INPP5B: variants seen among roughly 807,000 people sequenced by gnomAD.
INPP5B encodes the protein inositol polyphosphate-5-phosphatase B, also known as type II inositol 1,4,5-trisphosphate 5-phosphatase.
Under a neutral mutation model 118.5 loss-of-function variants are expected in INPP5B, and 90 were observed. That is an observed-to-expected ratio of 0.76 (90% CI 0.64 to 0.90). INPP5B has a LOEUF of 0.90. Ranked by LOEUF, INPP5B falls within the 40% of genes least tolerant of loss-of-function variation. INPP5B has a pLI of 0.00. For synonymous variants in INPP5B, 385 were observed against 418.9 expected, an observed-to-expected ratio of 0.92 and a Z score of 0.99; for missense variants, 984 against 1,125.6, an observed-to-expected ratio of 0.87 and a Z score of 1.80.
At chr1:37,896,247 G>A (rs868396060) in intron 7 of INPP5B, among the ~76,000 whole-genome samples, 262 of 144,770 alleles carry the variant, frequency 1.8e-3, no homozygotes, top group South Asian at 4.2e-3. Context: ...CAACCGCCCC[G>A]TCTGAGAAGT....
At position 37,931,950 on chromosome 1, in the gene INPP5B, G is replaced by C; in HGVS notation, c.495C>G (p.Ala165=). 3 of 1,614,028 alleles carry C rather than the reference G, an allele frequency of 1.9e-6. No homozygotes were observed. The highest frequency in any genetic ancestry group is 2.5e-6 in the Non-Finnish European group (3 of 1,180,026). Reference sequence around the variant, plus strand: ...TCGCGTACCCTGGCCAGGTAACTAGGGCCGAGTTACAACCGCGCGGCGTTG... The same window carrying C: ...TCGCGTACCCTGGCCAGGTAACTAGCGCCGAGTTACAACCGCGCGGCGTTG... ...EMPTPRGCNS[A]LVTWPGYATI... is the part of the protein sequence containing the mutation. The change falls in exon 7 of 24, where the codon GCC becomes GCG. Residue 165 remains alanine (A), a synonymous_variant. Coordinates refer to ENST00000373024, the MANE Select transcript of INPP5B (RefSeq NM_005540.3).
Position 37,861,473 on chromosome 1 carries a change from C to G in INPP5B, c.*842G>C, listed in dbSNP as rs1424739763. 1 of 152,508 alleles carries G rather than the reference C, an allele frequency of 6.6e-6. No individual in the cohort carries two copies. Among genetic ancestry groups the G allele is most frequent in the African/African-American group, 2.4e-5 (1 of 41,470 alleles). 9.4% of individuals were successfully genotyped at this position (152,508 alleles called of 1,614,324 possible). On this transcript the variant is annotated 3_prime_UTR_variant, in exon 24 of 24. Coordinates refer to ENST00000373024, the MANE Select transcript of INPP5B (RefSeq NM_005540.3). ...AGGCGTGGTGGTTCATGCCTGTAATCCCAGCACTTTGGGAGGCCAAGGCAG... is the reference window on the plus strand; with the variant it reads ...AGGCGTGGTGGTTCATGCCTGTAATGCCAGCACTTTGGGAGGCCAAGGCAG...
At chr1:37,914,120 C>T (rs1304440676) in intron 7 of INPP5B, among the ~76,000 whole-genome samples, 7 of 152,182 alleles carry the variant, frequency 4.6e-5, no homozygotes, top group Admixed American at 1.3e-4. Flanking sequence ...AATAAACAGC[C>T]TTGTTACTCA....
chr1:37,908,334 A>G (rs1016256926), intron 7 of INPP5B, among the ~76,000 whole-genome samples: 1 of 152,194 alleles, frequency 6.6e-6, no homozygotes. Context: ...TTGGGTAAGC[A>G]GTCTTTTCAC....
chr1:37,939,446 TTTTTG>T (rs1158070127), intron 6 of INPP5B, among the ~76,000 whole-genome samples: 2 of 97,686 alleles, frequency 2.0e-5, no homozygotes, highest in Admixed American at 1.0e-4. Context: ...TTTGTTTTTG[TTTTTG>T]TTTTTTTTTT....
At chr1:37,864,758 T>C (rs2148441950) in intron 22 of INPP5B, 1 of 178,940 alleles carries the variant, frequency 5.6e-6, no homozygotes, top group South Asian at 1.5e-4. Context: ...AGAAGGGAAA[T>C]AGTGAAGTAA....
intron 7 of INPP5B, among the ~76,000 whole-genome samples, chr1:37,898,127 G>A (rs1295930742): frequency 3.9e-5 from 6 of 152,134 alleles, no homozygotes; most frequent in Non-Finnish European, 7.4e-5. Flanking sequence ...GAAAATACAT[G>A]AATGAATCTT....
chr1:37,883,153 A>G (rs979580163), intron 13 of INPP5B: 1 of 985,252 alleles, frequency 1.0e-6, no homozygotes, highest in African/African-American at 1.7e-5. Flanking sequence ...CTCCTTAGCT[A>G]TTTTATTCTT....
intron 7 of INPP5B, chr1:37,929,112 A>T (rs1335953020): frequency 6.6e-6 from 1 of 152,042 alleles, no homozygotes; most frequent in African/African-American, 2.4e-5. Context: ...TATTACGATA[A>T]GATAAAAAAA....
At chr1:37,881,622 G>C (rs956153254) in intron 14 of INPP5B, among the ~76,000 whole-genome samples, 2 of 152,160 alleles carry the variant, frequency 1.3e-5, no homozygotes, top group Admixed American at 1.3e-4. Context: ...CCATGTGGTA[G>C]GCAGATAACA....
chr1:37,875,082 G>C (rs1185814267), intron 17 of INPP5B, among the ~76,000 whole-genome samples: 1 of 152,108 alleles, frequency 6.6e-6, no homozygotes, highest in Non-Finnish European at 1.5e-5. Context: ...CCATATTCTG[G>C]TTTAGAAGAA....
At chr1:37,944,156 A>G (rs765277902) in intron 3 of INPP5B, among the ~76,000 whole-genome samples, 3 of 152,058 alleles carry the variant, frequency 2.0e-5, no homozygotes, top group African/African-American at 2.4e-5. Context: ...GTTTGATCTA[A>G]CCATGGTGCA....
intron 7 of INPP5B, chr1:37,931,611 G>A (rs964705675): frequency 1.3e-6 from 2 of 1,537,200 alleles, no homozygotes; most frequent in Admixed American, 2.0e-5. Flanking sequence ...CCCACCCGAG[G>A]GCCGGGCGCA....
chr1:37,880,007 T>C (rs1643093836), intron 15 of INPP5B, 78 bp downstream of exon 15: 2 of 837,920 alleles, frequency 2.4e-6, no homozygotes, highest in South Asian at 3.2e-5. Flanking sequence ...TATTCTTCCT[T>C]AGGTCCAAAA....
intron 16 of INPP5B, among the ~76,000 whole-genome samples, chr1:37,877,534 C>G (rs1557633933): frequency 6.6e-6 from 1 of 152,154 alleles, no homozygotes; most frequent in Non-Finnish European, 1.5e-5. Flanking sequence ...AGTGGTAAAA[C>G]TGTTGTGAGG....
chr1:37,923,464 C>T (rs1033199945), intron 7 of INPP5B, among the ~76,000 whole-genome samples: 2 of 151,924 alleles, frequency 1.3e-5, no homozygotes, highest in Non-Finnish European at 2.9e-5. Context: ...GGGAGTGGTA[C>T]AATATTGAAG....
intron 18 of INPP5B, among the ~76,000 whole-genome samples, chr1:37,873,653 A>G (rs935495003): frequency 6.6e-6 from 1 of 152,216 alleles, no homozygotes; most frequent in Non-Finnish European, 1.5e-5. Context: ...TAATTTCTGG[A>G]TTACTTCCCC....
intron 19 of INPP5B, among the ~76,000 whole-genome samples, chr1:37,871,116 C>T (rs1309458040): frequency 6.7e-6 from 1 of 149,486 alleles, no homozygotes; most frequent in Non-Finnish European, 1.5e-5. Flanking sequence ...CCAGATCGTG[C>T]CACTGCACTC....
chr1:37,881,755 A>C (rs1010182384), intron 14 of INPP5B, among the ~76,000 whole-genome samples: 2 of 152,140 alleles, frequency 1.3e-5, no homozygotes, highest in African/African-American at 4.8e-5. Flanking sequence ...ACAGAGAAAG[A>C]CATAACTAAG....
Sources: allele counts gnomAD v4.1 joint callset (sites outside exome capture counted in the v4.1 genomes callset), GRCh38; gene constraint gnomAD v4.1.1; transcripts MANE v1.5; gene names NCBI Gene and HGNC (gene_info 2026-07-23, HGNC 2026-07-21).